The following BLMH variants were observed in gnomAD, a reference collection of about 807,000 sequenced individuals.
BLMH encodes the protein bleomycin hydrolase, also known as BLM hydrolase.
In BLMH, 32 loss-of-function variants were observed where a neutral mutation model predicts 61.6. That is an observed-to-expected ratio of 0.52 (90% CI 0.39 to 0.70). The LOEUF (loss-of-function observed/expected upper bound fraction) is 0.70, where lower values mean the gene tolerates loss of function less well. Ranked by LOEUF, BLMH falls within the 30% of genes least tolerant of loss-of-function variation. The pLI, the probability that BLMH is intolerant of heterozygous loss-of-function variation, is 0.00. For missense variants in BLMH, 460 were observed against 555.5 expected (o/e 0.83, Z 1.73); for synonymous variants, 183 against 193.8 (o/e 0.94, Z 0.46).
rs144119090 is a variant in BLMH at position 30,258,450 on chromosome 17, T to C, written c.1216+8435A>G. 5.5e-3 allele frequency among the ~76,000 whole-genome samples: 836 copies of C among 152,256 alleles called. 11 individuals are homozygous for C. Among genetic ancestry groups the C allele is most frequent in the African/African-American group, 0.018 (763 of 41,554 alleles). The stretch of plus-strand genomic sequence containing the variant: ...TCTTTCAGAAACAAAGGTTAGAAGG[T>C]ACCGTTTCCCTAGTAAATATACTAG... On this transcript the variant is annotated intron_variant, in intron 11 of 11. Coordinates refer to ENST00000261714, the MANE Select transcript of BLMH (RefSeq NM_000386.4).
intron 11 of BLMH, among the ~76,000 whole-genome samples, chr17:30,265,309 GC>G (rs1402819029): frequency 1.9e-4 from 29 of 152,160 alleles, no homozygotes; most frequent in African/African-American, 6.8e-4. Flanking sequence ...TGCCCAATCA[GC>G]ATACTAAAAT....
chr17:30,291,547 G>C, intron 1 of BLMH, 39 bp from the exon 2 acceptor site: 1 of 1,607,040 alleles, frequency 6.2e-7, no homozygotes, highest in Non-Finnish European at 8.5e-7. Context: ...GCAAAAAGAG[G>C]GGGAAAGGGC....
chr17:30,291,932 G>T lies in BLMH; in HGVS notation c.-113C>A. On this transcript the variant is annotated 5_prime_UTR_variant, in exon 1 of 12. Coordinates refer to ENST00000261714, the MANE Select transcript of BLMH (RefSeq NM_000386.4). ...GCCCGACCTGTCTCTCGCACCCGGA[G>T]CGCCGGAAAAAGGAAACCGGCTCGG... The T allele has an allele frequency of 8.3e-7, 1 of 1,198,846 alleles. No homozygotes were observed. Among genetic ancestry groups the T allele is most frequent in the Non-Finnish European group, 1.1e-6 (1 of 940,396 alleles). The allele number at this position is 1,198,846 out of a possible 1,614,324, so 74.3% of individuals were successfully genotyped here. A position where few individuals can be genotyped will look rare whatever the true frequency, so the allele number is the denominator to read the frequency against.
intron 10 of BLMH, among the ~76,000 whole-genome samples, chr17:30,270,372 G>A (rs1429575829): frequency 6.6e-6 from 1 of 151,878 alleles, no homozygotes; most frequent in African/African-American, 2.4e-5. Flanking sequence ...TGTGTTGGCG[G>A]GCACTTGTAA....
At chr17:30,260,426 G>A (rs1907925268) in intron 11 of BLMH, among the ~76,000 whole-genome samples, 1 of 152,222 alleles carries the variant, frequency 6.6e-6, no homozygotes, top group Admixed American at 6.5e-5. Flanking sequence ...CACATAGTCT[G>A]TCCTTGCCCA....
chr17:30,291,766 G>C (rs1374065133), intron 1 of BLMH, 41 bp downstream of exon 1: 3 of 1,422,010 alleles, frequency 2.1e-6, no homozygotes, highest in Non-Finnish European at 2.7e-6. Flanking sequence ...GGACCGCGGA[G>C]CTCCTCCAGA....
intron 3 of BLMH, among the ~76,000 whole-genome samples, chr17:30,288,550 A>G (rs1164212529): frequency 2.0e-5 from 3 of 152,244 alleles, no homozygotes; most frequent in Non-Finnish European, 1.5e-5. Context: ...GGGTTTCGCC[A>G]GGTCCAGACT....
intron 5 of BLMH, among the ~76,000 whole-genome samples, chr17:30,286,029 T>C (rs117604849): frequency 0.011 from 1,747 of 152,328 alleles, 17 homozygotes; most frequent in Middle Eastern, 0.024. Flanking sequence ...TGGAATCAAA[T>C]GCCGTACTAT....
intron 6 of BLMH, among the ~76,000 whole-genome samples, chr17:30,283,838 C>T (rs1411477769): frequency 6.6e-6 from 1 of 152,042 alleles, no homozygotes; most frequent in Non-Finnish European, 1.5e-5. Flanking sequence ...CTTAATCTAA[C>T]CCTAAATAAA....
At chr17:30,252,576 C>T (rs1907700771) in intron 11 of BLMH, among the ~76,000 whole-genome samples, 1 of 148,416 alleles carries the variant, frequency 6.7e-6, no homozygotes, top group African/African-American at 2.5e-5. Flanking sequence ...GGTGTGGTGG[C>T]CTGAGCCTGT....
At chr17:30,278,261 C>G (rs969225942) in intron 6 of BLMH, among the ~76,000 whole-genome samples, 13 of 152,172 alleles carry the variant, frequency 8.5e-5, no homozygotes, top group African/African-American at 4.8e-5. Flanking sequence ...GTGTCACCTG[C>G]TTCTCACAAG....
chr17:30,262,928 G>T (rs1908002902), intron 11 of BLMH, among the ~76,000 whole-genome samples: 1 of 152,198 alleles, frequency 6.6e-6, no homozygotes, highest in Admixed American at 6.5e-5. Context: ...GCTAACATGT[G>T]ACAAACCCTC....
rs775879183 is a variant in BLMH, at chr17:30,249,083, T to C, written c.1302A>G (p.Leu434=). 8 of 1,614,132 alleles carry C rather than the reference T, an allele frequency of 5.0e-6. No individual in the cohort carries two copies. In the South Asian group the frequency reaches 6.6e-5, roughly 13 times the overall value. The change falls in exon 12 of 12, where the codon CTA becomes CTG. Residue 434 remains leucine, a synonymous_variant. Transcript: ENST00000261714. ...TAATGGGTTCCTGCTCTAACACAGC[T>C]AGCACCTCTTCAGGGACATGCTTCC... ...VDRKHVPEEV[L]AVLEQEPIIL... is the part of the protein sequence containing the mutation.
At chr17:30,291,689 G>A (rs1233442271) in intron 1 of BLMH, 118 bp downstream of exon 1, 22 of 1,388,250 alleles carry the variant, frequency 1.6e-5, no homozygotes, top group Non-Finnish European at 1.9e-5. Flanking sequence ...AGCCTGCCCC[G>A]AAAGCTCCCT....
rs200295640 is a variant in BLMH, at chr17:30,271,262, G to A, written c.1146+9C>T. The A allele has an allele frequency of 1.3e-6, 2 of 1,583,908 alleles. No homozygotes were observed. The highest frequency in any genetic ancestry group is 1.1e-5 in the South Asian group (1 of 90,416). ...GCAAACACTCCAGCAGGCATGCTGA[G>A]GGTCATACCTTCTCTGAGACAGCAG... On this transcript the variant is annotated intron_variant, in intron 10 of 11. Transcript: ENST00000261714.
chr17:30,277,271 C>T (rs8072345), intron 6 of BLMH, among the ~76,000 whole-genome samples: 80,908 of 151,994 alleles, frequency 0.53, 23,504 homozygotes, highest in African/African-American at 0.77. Flanking sequence ...CATAAGCAAC[C>T]GTAATTGAGT....
At chr17:30,286,962 T>TA (rs1242750763) in intron 4 of BLMH, 60 bp from the exon 5 acceptor site, 2 of 1,090,664 alleles carry the variant, frequency 1.8e-6, no homozygotes, top group East Asian at 4.8e-5. Flanking sequence ...CTGGCAAAAA[T>TA]AGTGATTGTT....
intron 6 of BLMH, 47 bp downstream of exon 6, chr17:30,285,341 G>T: frequency 7.6e-7 from 1 of 1,316,072 alleles, no homozygotes; most frequent in Non-Finnish European, 1.1e-6. Flanking sequence ...GGAATATTCT[G>T]AGAGTTCCTT....
chr17:30,268,448 G>A (rs1908170869), intron 10 of BLMH, among the ~76,000 whole-genome samples: 1 of 152,040 alleles, frequency 6.6e-6, no homozygotes, highest in Non-Finnish European at 1.5e-5. Context: ...ACTCGTTTTT[G>A]GGATCAAAAA....
Sources: gnomAD v4.1 joint callset for allele counts (sites outside exome capture counted in the v4.1 genomes callset) on GRCh38, gnomAD v4.1.1 for gene constraint, MANE v1.5 for transcripts, NCBI Gene and HGNC (gene_info 2026-07-23, HGNC 2026-07-21) for gene names.